AGAP1: variants seen among roughly 807,000 people sequenced by gnomAD.
The protein encoded by AGAP1 is ArfGAP with GTPase domain, ankyrin repeat and PH domain 1, also known as arf-GAP with GTPase, ANK repeat and PH domain-containing protein 1.
AGAP1 carries 29 observed loss-of-function variants against 105.3 expected under a neutral mutation model. The ratio of observed to expected loss-of-function variants is 0.28; its 90% CI spans 0.21 to 0.38. AGAP1 has a LOEUF of 0.38. AGAP1 is among the 10% of genes least tolerant of loss of function. The probability of loss-of-function intolerance (pLI) is 1.00; values close to 1 mark genes in which losing one functional copy is unlikely to be tolerated. For synonymous variants in AGAP1, 509 were observed against 485.9 expected (o/e 1.05, Z -0.63); for missense variants, 998 against 1,165.1 (o/e 0.86, Z 2.09).
At chr2:235,727,081 T>C (rs1265635944) in intron 3 of AGAP1, among the ~76,000 whole-genome samples, 1 of 152,204 alleles carries the variant, frequency 6.6e-6, no homozygotes, top group Non-Finnish European at 1.5e-5. Flanking sequence ...CAAAAGACTC[T>C]AAGTCAGTTC....
Position 235,891,357 on chromosome 2 carries a change from C to T in AGAP1, c.1155+7908C>T, listed in dbSNP as rs79008299. 0.046 allele frequency among the ~76,000 whole-genome samples: 6,950 copies of T among 152,128 alleles called. 374 individuals are homozygous for T. Among genetic ancestry groups the T allele is most frequent in the African/African-American group, 0.13 (5,327 of 41,480 alleles). The stretch of plus-strand genomic sequence containing the variant: ...TATGTCTCCAAGACCTTTAAAAAGC[C>T]CTAACTGCTTAACTTTCTTGGGGGA... On this transcript the variant is annotated intron_variant, in intron 10 of 17. Transcript: ENST00000304032. The surrounding 1 kb of genome is among the most constrained non-coding windows in gnomAD (Gnocchi z 4.2).
At chr2:235,649,598 G>A (rs1296623320) in intron 1 of AGAP1, among the ~76,000 whole-genome samples, 3 of 152,074 alleles carry the variant, frequency 2.0e-5, no homozygotes, top group African/African-American at 7.2e-5. Context: ...CCTCAGACTC[G>A]TGGACTCAAG....
At chr2:236,115,743 C>T (rs1484746905) in intron 16 of AGAP1, among the ~76,000 whole-genome samples, 3 of 152,202 alleles carry the variant, frequency 2.0e-5, no homozygotes, top group Non-Finnish European at 4.4e-5. Flanking sequence ...CTCCTACTGT[C>T]CGAGAAAACA....
Position 235,769,573 on chromosome 2 carries a change from C to G in AGAP1, c.673+19085C>G, listed in dbSNP as rs1955251744. Among the ~76,000 whole-genome samples, 1 of 152,200 alleles carries G rather than the reference C, an allele frequency of 6.6e-6. No homozygotes were observed. The highest frequency in any genetic ancestry group is 1.5e-5 in the Non-Finnish European group (1 of 68,044). On this transcript the variant is annotated intron_variant, in intron 6 of 17. Transcript: ENST00000304032. The surrounding 1 kb of genome is among the most constrained non-coding windows in gnomAD (Gnocchi z 4.4). ...AATGCAAACAGTTAGTTGTTCCGTTCATGCTGTTGCGTGAGATAAGTTAGG... is the reference window on the plus strand; with the variant it reads ...AATGCAAACAGTTAGTTGTTCCGTTGATGCTGTTGCGTGAGATAAGTTAGG...
Position 235,934,954 on chromosome 2 carries a change from G to C in AGAP1, c.1483+4031G>C, listed in dbSNP as rs947201483. The stretch of plus-strand genomic sequence containing the variant: ...AGAACTTTTCAAAGTCTCCTCTCTA[G>C]ACACACCGGTCCCCCCGGGGTTTCT... On this transcript the variant is annotated intron_variant, in intron 12 of 17. Transcript: ENST00000304032. The surrounding 1 kb of genome is among the most constrained non-coding windows in gnomAD (Gnocchi z 4.9). 6.6e-6 allele frequency among the ~76,000 whole-genome samples: 1 copy of C among 152,058 alleles called. No homozygotes were observed. The highest frequency in any genetic ancestry group is 2.4e-5 in the African/African-American group (1 of 41,390).
chr2:235,575,746 G>T (rs905501329), intron 1 of AGAP1, among the ~76,000 whole-genome samples: 2 of 152,188 alleles, frequency 1.3e-5, no homozygotes, highest in Non-Finnish European at 2.9e-5. Flanking sequence ...TATTGCAAAG[G>T]TTCTTTTCAG....
intron 16 of AGAP1, among the ~76,000 whole-genome samples, chr2:236,097,250 T>C (rs375138037): frequency 1.4e-3 from 214 of 152,164 alleles, no homozygotes; most frequent in South Asian, 4.6e-3. Flanking sequence ...ATAATGTGGG[T>C]CTTCAAAATG....
intron 1 of AGAP1, among the ~76,000 whole-genome samples, chr2:235,684,642 A>G (rs1320688131): frequency 2.6e-5 from 4 of 151,980 alleles, no homozygotes; most frequent in African/African-American, 9.7e-5. Flanking sequence ...ATCCATACAC[A>G]CTTACCTCTT....
At chr2:235,707,534 G>A (rs533314041) in intron 1 of AGAP1, among the ~76,000 whole-genome samples, 1 of 137,756 alleles carries the variant, frequency 7.3e-6, no homozygotes. Context: ...TGACCTGGTG[G>A]GTTGTGCTCC....
Position 235,865,136 on chromosome 2 carries a change from A to G in AGAP1, c.1051-18209A>G, listed in dbSNP as rs1312066754. Among the ~76,000 whole-genome samples, 8 of 152,210 alleles carry G rather than the reference A, an allele frequency of 5.3e-5. No homozygotes were observed. The highest frequency in any genetic ancestry group is 1.2e-4 in the Non-Finnish European group (8 of 68,034). The stretch of plus-strand genomic sequence containing the variant: ...ACATTTCGGGGCAGTTAGCTGAATA[A>G]TTCTTTTCTTTATTATCCCAAATTA... On this transcript the variant is annotated intron_variant, in intron 9 of 17. Transcript: ENST00000304032. This position sits in a 1 kb window ranked among gnomAD's most constrained non-coding sequence, Gnocchi z 6.2.
In AGAP1 at chr2:236,013,907, C is replaced by A. The variant is rs529360553; in HGVS notation, c.1646-22654C>A. ...GAAGGGCGGAGAGAATGCCTCAAGT[C>A]GATGTCTTCCCTGCCACAGATGTCA... is the stretch of plus-strand genomic sequence containing the variant. On this transcript the variant is annotated intron_variant, in intron 13 of 17. Transcript: ENST00000304032. 7.2e-5 allele frequency among the ~76,000 whole-genome samples: 11 copies of A among 152,168 alleles called. No homozygotes were observed. In the East Asian group the frequency reaches 7.8e-4, roughly 11 times the overall value.
rs370683010 is a variant in AGAP1, at chr2:235,700,370, G to A, written c.164-8809G>A. Among the ~76,000 whole-genome samples, 3 of 152,046 alleles carry A rather than the reference G, an allele frequency of 2.0e-5. No individual in the cohort carries two copies. Among genetic ancestry groups the A allele is most frequent in the East Asian group, 3.9e-4 (2 of 5,192 alleles). On this transcript the variant is annotated intron_variant, in intron 1 of 17. Transcript: ENST00000304032. The surrounding 1 kb of genome is among the most constrained non-coding windows in gnomAD (Gnocchi z 6.1). ...GCCGTTTTGACTTTCAAATCCTCAC[G>A]CCCTCTGCTTTGATTCTCTCAGACG...
chr2:235,693,099 C>T (rs1335614651), intron 1 of AGAP1, among the ~76,000 whole-genome samples: 1 of 152,272 alleles, frequency 6.6e-6, no homozygotes, highest in East Asian at 1.9e-4. Context: ...CATGCAGAGG[C>T]TGACTCCTTG....
intron 1 of AGAP1, among the ~76,000 whole-genome samples, chr2:235,702,007 A>G (rs886155829): frequency 1.2e-4 from 18 of 152,208 alleles, no homozygotes; most frequent in African/African-American, 4.1e-4. Flanking sequence ...TTCAAAGAAA[A>G]TTCCCAATTT....
At position 236,056,603 on chromosome 2, in the gene AGAP1, C is replaced by T. The variant is rs552152184; in HGVS notation, c.2114+7322C>T. Among the ~76,000 whole-genome samples the T allele has an allele frequency of 6.6e-6, 1 of 152,196 alleles. No individual in the cohort carries two copies. The highest frequency in any genetic ancestry group is 2.4e-5 in the African/African-American group (1 of 41,450). On this transcript the variant is annotated intron_variant, in intron 16 of 17. Transcript: ENST00000304032. The surrounding 1 kb of genome is among the most constrained non-coding windows in gnomAD (Gnocchi z 4.6). The stretch of plus-strand genomic sequence containing the variant: ...AAATATGGCCTCTATTTTGATTCCT[C>T]CAGCAGTCAAGCATTTTCCAAAGGG...
rs2052711230 is a variant in AGAP1 at position 235,931,321 on chromosome 2, AT to A, written c.1483+402del. On this transcript the variant is annotated intron_variant, in intron 12 of 17. Transcript: ENST00000304032. The surrounding 1 kb of genome is among the most constrained non-coding windows in gnomAD (Gnocchi z 5.6). ...CCACACTCTTCCACCACTAGTGCACATTTTATATCATTAGGGTGAATTCAGT... is the reference window on the plus strand; with the variant it reads ...CCACACTCTTCCACCACTAGTGCACATTTATATCATTAGGGTGAATTCAGT... 6.6e-6 allele frequency among the ~76,000 whole-genome samples: 1 copy of A among 152,088 alleles called. No homozygotes were observed. Among genetic ancestry groups the A allele is most frequent in the Non-Finnish European group, 1.5e-5 (1 of 68,006 alleles).
At chr2:235,816,442 A>G (rs1224058013) in intron 9 of AGAP1, among the ~76,000 whole-genome samples, 6 of 150,330 alleles carry the variant, frequency 4.0e-5, no homozygotes, top group African/African-American at 1.5e-4. Flanking sequence ...CGTCTCAAAA[A>G]AAAAAAAAAA....
At chr2:235,584,186 T>A (rs1945024989) in intron 1 of AGAP1, among the ~76,000 whole-genome samples, 2 of 130,744 alleles carry the variant, frequency 1.5e-5, no homozygotes, top group Non-Finnish European at 3.3e-5. Context: ...TGACCCTCAA[T>A]AAACCACTTT....
intron 6 of AGAP1, among the ~76,000 whole-genome samples, chr2:235,783,765 A>G (rs1262411422): frequency 6.6e-6 from 1 of 152,080 alleles, no homozygotes; most frequent in African/African-American, 2.4e-5. Context: ...GGAACTCCTC[A>G]GGGGGATATT....
Sources: allele counts gnomAD v4.1 joint callset (sites outside exome capture counted in the v4.1 genomes callset), GRCh38; gene constraint gnomAD v4.1.1; non-coding constraint Gnocchi (gnomAD v3.1); transcripts MANE v1.5; gene names NCBI Gene and HGNC (gene_info 2026-07-23, HGNC 2026-07-21).